Variants in DNAH3 observed in about 807,000 individuals in gnomAD.
DNAH3 encodes the protein axonemal beta dynein heavy chain 3.
In DNAH3, 332 loss-of-function variants were observed where a neutral mutation model predicts 432.5. That is an observed-to-expected ratio of 0.77 (90% confidence interval 0.70 to 0.84). The LOEUF (loss-of-function observed/expected upper bound fraction) is 0.84, where lower values mean the gene tolerates loss of function less well. Ranked by LOEUF, DNAH3 falls within the 40% of genes least tolerant of loss-of-function variation. The probability of loss-of-function intolerance (pLI) is 0.00; values close to 1 mark genes in which losing one functional copy is unlikely to be tolerated. For synonymous variants in DNAH3, 1,956 were observed against 1,900.2 expected (o/e 1.03, Z -0.76); for missense variants, 4,861 against 5,114.0 (o/e 0.95, Z 1.51).
intron 50 of DNAH3, 102 bp downstream of exon 50, chr16:20,979,228 G>T: frequency 1.9e-6 from 2 of 1,026,014 alleles, no homozygotes; most frequent in Non-Finnish European, 1.5e-6. Flanking sequence ...GTCACATTCT[G>T]CTTGATCTGG....
At chr16:21,127,405 A>AAT (rs1200183067) in intron 8 of DNAH3, among the ~76,000 whole-genome samples, 3 of 151,916 alleles carry the variant, frequency 2.0e-5, no homozygotes, top group Non-Finnish European at 4.4e-5. Context: ...ACAAAAAAAA[A>AAT]AAAAAAATAG....
At chr16:20,971,069 T>C (rs897935302) in intron 51 of DNAH3, among the ~76,000 whole-genome samples, 6 of 152,006 alleles carry the variant, frequency 3.9e-5, no homozygotes, top group African/African-American at 1.4e-4. Flanking sequence ...GGTTTCACCA[T>C]GTTGGCCAGG....
chr16:21,052,735 C>G (rs571397437), intron 28 of DNAH3, among the ~76,000 whole-genome samples: 1 of 152,358 alleles, frequency 6.6e-6, no homozygotes, highest in African/African-American at 2.4e-5. Flanking sequence ...TCTTGGAAGT[C>G]TGAGCCAGAG....
intron 16 of DNAH3, among the ~76,000 whole-genome samples, chr16:21,099,613 A>T (rs1221713745): frequency 6.6e-6 from 1 of 152,160 alleles, no homozygotes; most frequent in Non-Finnish European, 1.5e-5. Flanking sequence ...CTTAGTAGCT[A>T]TGTAGTCTTG....
At chr16:21,067,184 G>A (rs2090582932) in intron 24 of DNAH3, 99 bp downstream of exon 24, 1 of 1,300,178 alleles carries the variant, frequency 7.7e-7, no homozygotes, top group Non-Finnish European at 1.1e-6. Flanking sequence ...AAAGAGTATG[G>A]ACTAGATTGG....
At chr16:21,095,863 C>G (rs1394641700) in intron 18 of DNAH3, among the ~76,000 whole-genome samples, 1 of 152,140 alleles carries the variant, frequency 6.6e-6, no homozygotes, top group Non-Finnish European at 1.5e-5. Context: ...CTCCCAGGTT[C>G]AAGCGATGCT....
At chr16:21,071,545 T>C (rs2090781760) in intron 21 of DNAH3, among the ~76,000 whole-genome samples, 1 of 152,174 alleles carries the variant, frequency 6.6e-6, no homozygotes, top group African/African-American at 2.4e-5. Flanking sequence ...AGTAGGAATC[T>C]ATGTCTTGCA....
Position 21,140,667 on chromosome 16 carries a change from T to C in DNAH3, c.565A>G (p.Lys189Glu), listed in dbSNP as rs867604631. 1.7e-5 allele frequency: 27 copies of C among 1,614,092 alleles called. 1 individual carries two copies. In the Middle Eastern group the frequency reaches 1.6e-3, roughly 99 times the overall value. ...AACGTCAAAGATGTCTTTACCTCCT[T>C]CTTCATGGGTGAGAAGATTGACGTC... The change falls in exon 5 of 62, where the codon AAG becomes GAG. Residue 189 changes from lysine (K) to glutamate (E), a missense_variant. Coordinates refer to ENST00000261383, the Ensembl canonical transcript of DNAH3.
At position 20,948,716 on chromosome 16, in the gene DNAH3, T is replaced by C. The variant is rs2084171970; in HGVS notation, c.11189-79A>G. 5 of 1,487,178 alleles carry C rather than the reference T, an allele frequency of 3.4e-6. No homozygotes were observed. The South Asian group carries it at 3.6e-5, about 11-fold the overall frequency. 92.1% of individuals were successfully genotyped at this position (1,487,178 alleles called of 1,614,324 possible). ...TTGGTGGTTGATGTAAAACACGGCA[T>C]TCTTCCGGCCAAAGATCTCTGCTGG... On this transcript the variant is annotated intron_variant, in intron 56 of 61. Transcript: ENST00000261383.
At chr16:20,997,067 G>T in intron 44 of DNAH3, 1 of 518,348 alleles carries the variant, frequency 1.9e-6, no homozygotes, top group East Asian at 3.1e-5. Context: ...TTTCTCTAGG[G>T]CCTAGCCAAA....
At chr16:21,051,638 C>T (rs776611147) in intron 29 of DNAH3, 32 bp downstream of exon 29, 4 of 1,607,424 alleles carry the variant, frequency 2.5e-6, no homozygotes, top group Non-Finnish European at 3.4e-6. Flanking sequence ...GTTCTCCGTT[C>T]ACCCCTCAGA....
intron 21 of DNAH3, among the ~76,000 whole-genome samples, chr16:21,071,029 C>T (rs1442211360): frequency 6.6e-6 from 1 of 151,980 alleles, no homozygotes; most frequent in Admixed American, 6.6e-5. Context: ...GGACTACAGG[C>T]ATATGCCACC....
At chr16:21,128,793 A>G (rs1189067722) in intron 7 of DNAH3, among the ~76,000 whole-genome samples, 1 of 151,148 alleles carries the variant, frequency 6.6e-6, no homozygotes, top group African/African-American at 2.4e-5. Flanking sequence ...CAGGAGGTCA[A>G]GGCTACAGTG....
chr16:21,048,312 G>T (rs1340597661), intron 31 of DNAH3, among the ~76,000 whole-genome samples: 3 of 152,228 alleles, frequency 2.0e-5, no homozygotes, highest in Non-Finnish European at 4.4e-5. Flanking sequence ...AGACTGCTGT[G>T]CTAGCAATCA....
exon 4 of DNAH3, chr16:21,141,324 G>A (rs1311950129): frequency 1.3e-6 from 2 of 1,591,684 alleles, no homozygotes; most frequent in Admixed American, 1.7e-5. Context: ...TTTGTTTCTG[G>A]AGGAAAACTT....
At chr16:20,988,379 G>A (rs1310000455) in intron 44 of DNAH3, among the ~76,000 whole-genome samples, 1 of 152,196 alleles carries the variant, frequency 6.6e-6, no homozygotes, top group Non-Finnish European at 1.5e-5. Context: ...CTGAGTGCTA[G>A]TTTAGTGCTC....
chr16:21,131,450 G>A (rs35357732), intron 7 of DNAH3, among the ~76,000 whole-genome samples: 3,910 of 74,214 alleles, frequency 0.053, 352 homozygotes, highest in African/African-American at 0.16. Context: ...AAAGAAAGAA[G>A]GAAAGAAAGG....
exon 57 of DNAH3, chr16:20,948,605 C>T (rs369301705): frequency 1.2e-6 from 2 of 1,614,024 alleles, no homozygotes; most frequent in African/African-American, 2.7e-5. Context: ...CGGTCTTTGT[C>T]ATCAGTCACT....
intron 25 of DNAH3, 150 bp from the exon 26 acceptor site, chr16:21,060,506 CTTTT>C: frequency 2.8e-6 from 1 of 357,366 alleles, no homozygotes; most frequent in African/African-American, 2.4e-5. Flanking sequence ...TCTCCCCGTT[CTTTT>C]TTTCTTTTTT....
Sources: gnomAD v4.1 joint callset for allele counts (sites outside exome capture counted in the v4.1 genomes callset) on GRCh38, gnomAD v4.1.1 for gene constraint, MANE v1.5 for transcripts, NCBI Gene and HGNC (gene_info 2026-07-23, HGNC 2026-07-21) for gene names.